Variants in ZNF618 observed in about 807,000 individuals in gnomAD.
ZNF618 encodes zinc finger protein 618.
In ZNF618, 34 loss-of-function variants were observed where a neutral mutation model predicts 103.0. That is an observed-to-expected ratio of 0.33 (90% CI 0.25 to 0.44). The LOEUF (loss-of-function observed/expected upper bound fraction) is 0.44. Ranked by LOEUF, ZNF618 falls within the 20% of genes least tolerant of loss-of-function variation. The probability of loss-of-function intolerance (pLI) is 1.00; values close to 1 mark genes in which losing one functional copy is unlikely to be tolerated. For synonymous variants in ZNF618, 551 were observed against 542.2 expected (o/e 1.02, Z -0.23); for missense variants, 1,059 against 1,295.4 (o/e 0.82, Z 2.80).
chr9:114,007,947 C>T (rs959859329), intron 7 of ZNF618, among the ~76,000 whole-genome samples: 1 of 152,190 alleles, frequency 6.6e-6, no homozygotes, highest in African/African-American at 2.4e-5. Context: ...CTGTGACAAC[C>T]AGGCCCACCA....
chr9:114,016,690 G>T lies in ZNF618; in HGVS notation c.755-5G>T. ...TTCTTACACCTTCGTTTCCTTCCTG[G>T]ACAGAAACTGGCAATTACACCTGTG... On this transcript the variant is annotated splice_region_variant and splice_polypyrimidine_tract_variant and intron_variant, in intron 9 of 14. Transcript: ENST00000374126. 6.2e-7 allele frequency: 1 copy of T among 1,613,292 alleles called. No individual in the cohort carries two copies. Among genetic ancestry groups the T allele is most frequent in the East Asian group, 2.2e-5 (1 of 44,866 alleles).
In ZNF618 at chr9:114,020,194, T is replaced by C. The variant is rs529542979; in HGVS notation, c.844+3410T>C. On this transcript the variant is annotated intron_variant, in intron 10 of 14. Transcript: ENST00000374126. The stretch of plus-strand genomic sequence containing the variant: ...CCGTTGGCCTGTTTGTTTATCTTTA[T>C]GCCTATTCCACATGATTTTACTTAT... Among the ~76,000 whole-genome samples the C allele has an allele frequency of 7.9e-5, 12 of 152,336 alleles. 1 individual carries two copies. The South Asian group carries it at 2.5e-3, about 32-fold the overall frequency.
At chr9:114,041,867 A>C (rs1845215364) in intron 13 of ZNF618, among the ~76,000 whole-genome samples, 1 of 152,228 alleles carries the variant, frequency 6.6e-6, no homozygotes, top group South Asian at 2.1e-4. Context: ...TCTGTGAAGA[A>C]AGTCATCGGT....
chr9:114,004,584 A>G (rs1002553445), intron 6 of ZNF618, among the ~76,000 whole-genome samples: 3 of 152,012 alleles, frequency 2.0e-5, no homozygotes, highest in Non-Finnish European at 2.9e-5. Flanking sequence ...GGGTATTTTT[A>G]GTCCTTCCGT....
rs556419948 is a variant in ZNF618, at chr9:113,936,415, T to G, written c.34-32702T>G. 2.6e-5 allele frequency among the ~76,000 whole-genome samples: 4 copies of G among 152,360 alleles called. No individual in the cohort carries two copies. The East Asian group carries it at 7.7e-4, about 29-fold the overall frequency. On this transcript the variant is annotated intron_variant, in intron 1 of 14. Coordinates refer to ENST00000374126, the MANE Select transcript of ZNF618 (RefSeq NM_001318042.2). ...TATTTAGCGAGTAGTACATATTTGT[T>G]GAAAGAATGAATGGGAATCTTCTAG...
chr9:114,054,939 C>T lies in ZNF618; in HGVS notation c.*4772C>T, dbSNP rs1207496127. ...ATATTCATGCCCCGTCCCTTCCCCC[C>T]CCACCCCCCCGCCCACCCACCACGG... On this transcript the variant is annotated 3_prime_UTR_variant, in exon 15 of 15. Transcript: ENST00000374126. The T allele has an allele frequency of 7.3e-6, 1 of 136,778 alleles. No homozygotes were observed. Among genetic ancestry groups the T allele is most frequent in the Non-Finnish European group, 1.6e-5 (1 of 63,066 alleles). 8.5% of individuals were successfully genotyped at this position (136,778 alleles called of 1,614,324 possible).
chr9:113,931,954 C>G (rs546636629), intron 1 of ZNF618, among the ~76,000 whole-genome samples: 3 of 152,226 alleles, frequency 2.0e-5, no homozygotes, highest in African/African-American at 7.2e-5. Context: ...GTGATTGATT[C>G]ATTCATTTGT....
chr9:113,924,966 C>G lies in ZNF618; in HGVS notation c.34-44151C>G, dbSNP rs1410872290. On this transcript the variant is annotated intron_variant, in intron 1 of 14. Transcript: ENST00000374126. Reference sequence around the variant, plus strand: ...AAATGTGACTATCTTGGTGAATGTTCTGTGTGTCCTTGAGAAGAATGTGTA... The same window carrying G: ...AAATGTGACTATCTTGGTGAATGTTGTGTGTGTCCTTGAGAAGAATGTGTA... Among the ~76,000 whole-genome samples, 8 of 151,860 alleles carry G rather than the reference C, an allele frequency of 5.3e-5. No individual in the cohort carries two copies. In the East Asian group the frequency reaches 1.4e-3, roughly 26 times the overall value.
chr9:114,005,881 T>C (rs1841704493), intron 6 of ZNF618, among the ~76,000 whole-genome samples: 1 of 152,094 alleles, frequency 6.6e-6, no homozygotes, highest in Non-Finnish European at 1.5e-5. Context: ...CCCCAAATTA[T>C]GGGGGAAAAC....
chr9:113,884,798 GAGAGAGAGAGAGAGAC>G (rs1223509511), intron 1 of ZNF618, among the ~76,000 whole-genome samples: 1 of 151,736 alleles, frequency 6.6e-6, no homozygotes, highest in African/African-American at 2.4e-5. Context: ...GAGAGAGAGA[GAGAGAGAGAGAGAGAC>G]AGAGAAACTG....
chr9:114,040,917 C>A (rs576316875), intron 13 of ZNF618, among the ~76,000 whole-genome samples: 11 of 152,354 alleles, frequency 7.2e-5, no homozygotes, highest in Admixed American at 7.2e-4. Context: ...CTGTCTTCCA[C>A]AATGGTTGAA....
intron 1 of ZNF618, among the ~76,000 whole-genome samples, chr9:113,944,621 A>G (rs1424623296): frequency 6.6e-6 from 1 of 152,198 alleles, no homozygotes; most frequent in East Asian, 1.9e-4. Flanking sequence ...TATCTAATAG[A>G]AATGTCATGC....
chr9:114,029,109 T>G, intron 11 of ZNF618, 137 bp downstream of exon 11: 1 of 1,296,916 alleles, frequency 7.7e-7, no homozygotes, highest in Non-Finnish European at 1.0e-6. Flanking sequence ...CAAATCTGAG[T>G]CCCAGCTCTG....
intron 6 of ZNF618, among the ~76,000 whole-genome samples, 200 bp from the exon 7 acceptor site, chr9:114,007,150 C>T (rs7848107): frequency 0.021 from 3,228 of 152,288 alleles, 116 homozygotes; most frequent in African/African-American, 0.074. Flanking sequence ...TGCTCATCAC[C>T]GGCCCTCCCG....
At chr9:113,935,740 G>T (rs1257977776) in intron 1 of ZNF618, among the ~76,000 whole-genome samples, 1 of 152,158 alleles carries the variant, frequency 6.6e-6, no homozygotes, top group East Asian at 1.9e-4. Context: ...AACTCTTTGA[G>T]GGTGGGTGAA....
intron 13 of ZNF618, among the ~76,000 whole-genome samples, chr9:114,041,690 C>G (rs945656253): frequency 1.3e-5 from 2 of 152,078 alleles, no homozygotes; most frequent in Non-Finnish European, 1.5e-5. Context: ...TGGTCTATAT[C>G]TCTGTTTTGG....
At chr9:113,994,738 A>G (rs1840402048) in intron 3 of ZNF618, among the ~76,000 whole-genome samples, 1 of 152,194 alleles carries the variant, frequency 6.6e-6, no homozygotes, top group Non-Finnish European at 1.5e-5. Context: ...CAGGACATTG[A>G]TGCCTCTGGG....
At chr9:114,020,193 A>G (rs1842958336) in intron 10 of ZNF618, among the ~76,000 whole-genome samples, 1 of 152,146 alleles carries the variant, frequency 6.6e-6, no homozygotes, top group South Asian at 2.1e-4. Flanking sequence ...GTTTATCTTT[A>G]TGCCTATTCC....
intron 1 of ZNF618, among the ~76,000 whole-genome samples, chr9:113,903,001 T>A (rs1337300151): frequency 6.6e-6 from 1 of 152,090 alleles, no homozygotes; most frequent in Non-Finnish European, 1.5e-5. Flanking sequence ...TACCCAGGTG[T>A]GGAATTTAGG....
Sources: gnomAD v4.1 joint callset for allele counts (sites outside exome capture counted in the v4.1 genomes callset) on GRCh38, gnomAD v4.1.1 for gene constraint, MANE v1.5 for transcripts, NCBI Gene and HGNC (gene_info 2026-07-23, HGNC 2026-07-21) for gene names.